PRIMA1: variants seen among roughly 807,000 people sequenced by gnomAD.
The protein encoded by PRIMA1 is proline rich membrane anchor 1, also known as proline-rich membrane anchor 1.
A neutral mutation model predicts 17.5 loss-of-function variants in PRIMA1; 7 were observed. The ratio of observed to expected loss-of-function variants is 0.40; its 90% confidence interval spans 0.23 to 0.75. PRIMA1 has a LOEUF of 0.75. PRIMA1 is among the 30% of genes least tolerant of loss of function. PRIMA1 has a pLI of 0.37. For missense variants in PRIMA1, 200 were observed against 201.8 expected (o/e 0.99, Z 0.05); for synonymous variants, 97 against 77.9 (o/e 1.25, Z -1.29).
chr14:93,763,422 C>T (rs895349822), intron 3 of PRIMA1, among the ~76,000 whole-genome samples: 1 of 152,182 alleles, frequency 6.6e-6, no homozygotes, highest in Non-Finnish European at 1.5e-5. Flanking sequence ...CTGAGCTCAT[C>T]TCTCCCCACC....
At chr14:93,774,197 A>T (rs1178954988) in intron 3 of PRIMA1, among the ~76,000 whole-genome samples, 2 of 152,222 alleles carry the variant, frequency 1.3e-5, no homozygotes, top group African/African-American at 4.8e-5. Flanking sequence ...TTGCCAGAAG[A>T]AGGGTGGCCC....
intron 4 of PRIMA1, 96 bp downstream of exon 4, chr14:93,737,145 A>G (rs2076154650): frequency 8.0e-7 from 1 of 1,245,664 alleles, no homozygotes; most frequent in African/African-American, 1.5e-5. Flanking sequence ...AACAACTTTT[A>G]TAATTTAAAA....
At chr14:93,757,818 C>G (rs936654350) in intron 3 of PRIMA1, among the ~76,000 whole-genome samples, 4 of 152,174 alleles carry the variant, frequency 2.6e-5, no homozygotes, top group South Asian at 2.1e-4. Context: ...TAATGCCATT[C>G]GATTCTGCTA....
chr14:93,763,528 CAGCCATTTGTTTCA>C, intron 3 of PRIMA1, among the ~76,000 whole-genome samples: 1 of 152,226 alleles, frequency 6.6e-6, no homozygotes, highest in East Asian at 1.9e-4. Context: ...CCAGCCGAAG[CAGCCATTTGTTTCA>C]GAGCTGGCTG....
chr14:93,750,357 T>C (rs2141171789), intron 3 of PRIMA1, among the ~76,000 whole-genome samples: 1 of 152,330 alleles, frequency 6.6e-6, no homozygotes, highest in South Asian at 2.1e-4. Flanking sequence ...CAGTGAGCTA[T>C]GATGATGCCA....
chr14:93,779,810 AG>A (rs1428105025), intron 2 of PRIMA1, among the ~76,000 whole-genome samples: 1 of 152,172 alleles, frequency 6.6e-6, no homozygotes, highest in Non-Finnish European at 1.5e-5. Flanking sequence ...CTCTGGGGCA[AG>A]GCCCCCCTCT....
chr14:93,748,973 A>T lies in PRIMA1; in HGVS notation c.230-11603T>A, dbSNP rs114253785. ...TGGGGCAGGAGCCGGGAACAGCAGG[A>T]CACTGCCTGATAGAATTAATTACGC... On this transcript the variant is annotated intron_variant, in intron 3 of 4. Coordinates refer to ENST00000393140, the MANE Select transcript of PRIMA1 (RefSeq NM_178013.4). Among the ~76,000 whole-genome samples the T allele has an allele frequency of 3.5e-3, 540 of 152,252 alleles. 6 individuals carry two copies. The highest frequency in any genetic ancestry group is 0.012 in the African/African-American group (515 of 41,546).
intron 4 of PRIMA1, among the ~76,000 whole-genome samples, chr14:93,728,639 C>T (rs778034222): frequency 6.6e-6 from 1 of 152,128 alleles, no homozygotes; most frequent in East Asian, 1.9e-4. Flanking sequence ...CTTGACCCAG[C>T]ATGTCTGGAG....
At position 93,773,775 on chromosome 14, in the gene PRIMA1, G is replaced by T. The variant is rs540275924; in HGVS notation, c.229+5401C>A. 3.3e-5 allele frequency among the ~76,000 whole-genome samples: 5 copies of T among 152,318 alleles called. No individual in the cohort carries two copies. In the East Asian group the frequency reaches 5.8e-4, roughly 18 times the overall value. ...AAGCTGCCCTCTCCAGCAATGAAGT[G>T]GGGGAGGGAAGTCAGGACTCTCAAA... On this transcript the variant is annotated intron_variant, in intron 3 of 4. Coordinates refer to ENST00000393140, the MANE Select transcript of PRIMA1 (RefSeq NM_178013.4).
intron 3 of PRIMA1, among the ~76,000 whole-genome samples, chr14:93,739,858 G>C (rs2076173965): frequency 6.6e-6 from 1 of 152,108 alleles, no homozygotes; most frequent in South Asian, 2.1e-4. Flanking sequence ...CTGAGGTCAG[G>C]AGTTTGAGAC....
At chr14:93,759,015 T>A (rs76722359) in intron 3 of PRIMA1, among the ~76,000 whole-genome samples, 3,339 of 152,314 alleles carry the variant, frequency 0.022, 117 homozygotes, top group African/African-American at 0.071. Flanking sequence ...GAATCTGGAA[T>A]AGCCCAAAAC....
intron 2 of PRIMA1, among the ~76,000 whole-genome samples, chr14:93,780,982 T>C (rs1885359651): frequency 2.0e-5 from 3 of 151,982 alleles, no homozygotes; most frequent in Admixed American, 2.0e-4. Context: ...ATCCAGCCCC[T>C]CTGTCACGTG....
chr14:93,741,706 C>T (rs1307269962), intron 3 of PRIMA1, among the ~76,000 whole-genome samples: 2 of 152,168 alleles, frequency 1.3e-5, no homozygotes, highest in Non-Finnish European at 2.9e-5. Context: ...AAGGTTATTT[C>T]AGGGATGCGG....
chr14:93,775,970 T>C (rs1885207557), intron 3 of PRIMA1, among the ~76,000 whole-genome samples: 1 of 152,198 alleles, frequency 6.6e-6, no homozygotes, highest in Non-Finnish European at 1.5e-5. Flanking sequence ...GGTGGGCACA[T>C]GACCCAAGCT....
chr14:93,780,945 C>T (rs1885358824), intron 2 of PRIMA1, among the ~76,000 whole-genome samples: 2 of 152,244 alleles, frequency 1.3e-5, no homozygotes, highest in Admixed American at 1.3e-4. Flanking sequence ...CTGCAACTAG[C>T]CATGTGTTGC....
intron 3 of PRIMA1, among the ~76,000 whole-genome samples, chr14:93,756,925 C>G (rs963075761): frequency 2.0e-5 from 3 of 152,200 alleles, no homozygotes; most frequent in African/African-American, 7.2e-5. Context: ...TGCCTGCCCT[C>G]CACGGTACCC....
intron 3 of PRIMA1, among the ~76,000 whole-genome samples, chr14:93,773,781 G>A (rs1885134049): frequency 6.6e-6 from 1 of 152,166 alleles, no homozygotes; most frequent in African/African-American, 2.4e-5. Context: ...AAGTGGGGGA[G>A]GGAAGTCAGG....
intron 4 of PRIMA1, among the ~76,000 whole-genome samples, chr14:93,736,605 C>T (rs570058887): frequency 1.2e-3 from 179 of 152,354 alleles, no homozygotes; most frequent in Non-Finnish European, 1.4e-3. Flanking sequence ...TCCTGTGCCC[C>T]GTTACCAGGA....
At chr14:93,765,117 G>C (rs1163089588) in intron 3 of PRIMA1, among the ~76,000 whole-genome samples, 2 of 151,958 alleles carry the variant, frequency 1.3e-5, no homozygotes, top group Non-Finnish European at 2.9e-5. Context: ...TTAACCACTA[G>C]TACTTAAATC....
Sources: gnomAD v4.1 joint callset for allele counts (sites outside exome capture counted in the v4.1 genomes callset) on GRCh38, gnomAD v4.1.1 for gene constraint, MANE v1.5 for transcripts, NCBI Gene and HGNC (gene_info 2026-07-23, HGNC 2026-07-21) for gene names.